The following CAB39L variants were observed in gnomAD, a reference collection of about 807,000 sequenced individuals.
CAB39L encodes calcium binding protein 39 like, also known as calcium-binding protein 39-like.
In CAB39L, 23 loss-of-function variants were observed where a neutral mutation model predicts 39.1. That is an observed-to-expected ratio of 0.59 (90% confidence interval 0.42 to 0.83). CAB39L has a LOEUF of 0.83. CAB39L is among the 40% of genes least tolerant of loss of function. The pLI is 0.00. For missense variants in CAB39L, 366 were observed against 391.9 expected, an observed-to-expected ratio of 0.93 and a Z score of 0.56; for synonymous variants, 126 against 137.2, an observed-to-expected ratio of 0.92 and a Z score of 0.57.
At chr13:49,414,782 CTT>C (rs1441094970) in intron 3 of CAB39L, among the ~76,000 whole-genome samples, 1 of 152,014 alleles carries the variant, frequency 6.6e-6, no homozygotes, top group Non-Finnish European at 1.5e-5. Flanking sequence ...CTACAGATTA[CTT>C]TTTTCTTCTT....
At chr13:49,391,756 G>C (rs1413787747) in intron 3 of CAB39L, among the ~76,000 whole-genome samples, 1 of 151,414 alleles carries the variant, frequency 6.6e-6, no homozygotes, top group African/African-American at 2.4e-5. Context: ...CACCAGAAGG[G>C]GGAAAACAGG....
At position 49,344,389 on chromosome 13, in the gene CAB39L, T is replaced by C. The variant is rs45466592; in HGVS notation, c.565-151A>G. On this transcript the variant is annotated intron_variant, in intron 7 of 10. Transcript: ENST00000409308. ...TTTCCATTCCTAGCTTAGCCTAAGA[T>C]GTGAAATACAAGTTTGTTTCATGTT... 2,425 of 577,600 alleles carry C rather than the reference T, an allele frequency of 4.2e-3. 7 individuals are homozygous for C. Among genetic ancestry groups the C allele is most frequent in the Non-Finnish European group, 6.1e-3 (2,036 of 331,652 alleles). 35.8% of individuals were successfully genotyped at this position (577,600 alleles called of 1,614,324 possible).
chr13:49,321,844 A>G (rs1253785047), intron 10 of CAB39L, among the ~76,000 whole-genome samples: 1 of 152,158 alleles, frequency 6.6e-6, no homozygotes, highest in Non-Finnish European at 1.5e-5. Flanking sequence ...TGCAAGGTGG[A>G]TGTCTGGACA....
chr13:49,324,613 A>C (rs1954445906), intron 10 of CAB39L, among the ~76,000 whole-genome samples: 1 of 152,234 alleles, frequency 6.6e-6, no homozygotes, highest in East Asian at 1.9e-4. Context: ...ATTTGGAAGC[A>C]GAAGATGGCC....
intron 3 of CAB39L, among the ~76,000 whole-genome samples, chr13:49,406,333 A>ATTTTTTTT (rs34078174): frequency 1.7e-4 from 15 of 90,622 alleles, no homozygotes; most frequent in East Asian, 2.8e-4. Flanking sequence ...ATGCCCAGCT[A>ATTTTTTTT]TTTTTTTTTT....
intron 6 of CAB39L, among the ~76,000 whole-genome samples, chr13:49,358,505 T>C (rs551153425): frequency 2.6e-4 from 39 of 152,136 alleles, no homozygotes; most frequent in Middle Eastern, 3.4e-3. Flanking sequence ...AAAACAATGA[T>C]GAACAAATAA....
At position 49,389,766 on chromosome 13, in the gene CAB39L, G is replaced by A. The variant is rs188884661; in HGVS notation, c.-31-6825C>T. On this transcript the variant is annotated intron_variant, in intron 3 of 10. Transcript: ENST00000409308. ...TTCCAGTTTATACTTTCACAGCTGT[G>A]TAGTGTGAGTTGCAGTTATCACCCA... Among the ~76,000 whole-genome samples the A allele has an allele frequency of 2.1e-3, 321 of 152,322 alleles. 3 individuals carry two copies. The highest frequency in any genetic ancestry group is 2.9e-4 in the Non-Finnish European group (20 of 68,034).
intron 4 of CAB39L, among the ~76,000 whole-genome samples, chr13:49,378,249 C>G (rs1956142052): frequency 1.1e-5 from 1 of 92,700 alleles, no homozygotes; most frequent in South Asian, 3.4e-4. Flanking sequence ...GCCACCCCGT[C>G]AGGGAGGGAG....
At chr13:49,351,678 G>A (rs995625785) in intron 6 of CAB39L, among the ~76,000 whole-genome samples, 10 of 152,192 alleles carry the variant, frequency 6.6e-5, no homozygotes, top group African/African-American at 2.4e-4. Context: ...AGACATATAA[G>A]AACAGGAGCA....
At chr13:49,359,642 T>G in intron 6 of CAB39L, 72 bp downstream of exon 6, 1 of 761,542 alleles carries the variant, frequency 1.3e-6, no homozygotes, top group South Asian at 1.7e-5. Context: ...ATATCTCAAA[T>G]GAGACTAATG....
chr13:49,383,765 GTAAC>G (rs1446868517), intron 3 of CAB39L, among the ~76,000 whole-genome samples: 1 of 152,140 alleles, frequency 6.6e-6, no homozygotes. Context: ...GTATACATAT[GTAAC>G]TAACTTGCAC....
chr13:49,399,322 C>A (rs982866917), intron 3 of CAB39L, among the ~76,000 whole-genome samples: 1 of 151,996 alleles, frequency 6.6e-6, no homozygotes, highest in Non-Finnish European at 1.5e-5. Flanking sequence ...GTGCAATCAA[C>A]CTTGAAAGCT....
At chr13:49,425,037 T>C (rs1957222735) in intron 3 of CAB39L, among the ~76,000 whole-genome samples, 5 of 152,100 alleles carry the variant, frequency 3.3e-5, no homozygotes, top group Admixed American at 3.3e-4. Flanking sequence ...GTAAAACTAA[T>C]TTAAAATGTA....
intron 1 of CAB39L, among the ~76,000 whole-genome samples, chr13:49,440,465 T>C (rs913436314): frequency 1.3e-5 from 2 of 152,028 alleles, no homozygotes; most frequent in Non-Finnish European, 2.9e-5. Flanking sequence ...TATATGTCTG[T>C]TTTTGTACCA....
intron 3 of CAB39L, among the ~76,000 whole-genome samples, chr13:49,386,487 G>A (rs1956363986): frequency 6.6e-6 from 1 of 151,960 alleles, no homozygotes; most frequent in Non-Finnish European, 1.5e-5. Context: ...ACATTTTAGG[G>A]CAATGGGGTT....
At chr13:49,442,998 T>C (rs1319774313) in intron 1 of CAB39L, among the ~76,000 whole-genome samples, 2 of 148,760 alleles carry the variant, frequency 1.3e-5, no homozygotes, top group African/African-American at 5.0e-5. Context: ...TACCACAAAA[T>C]ATTAGCCTTT....
chr13:49,433,550 C>A (rs949249750), intron 2 of CAB39L, among the ~76,000 whole-genome samples, 157 bp from the exon 3 acceptor site: 2 of 152,044 alleles, frequency 1.3e-5, no homozygotes, highest in African/African-American at 4.8e-5. Context: ...TTTCATATCC[C>A]AATAACTCAA....
chr13:49,433,691 C>T (rs1957362433), intron 2 of CAB39L, among the ~76,000 whole-genome samples: 1 of 152,100 alleles, frequency 6.6e-6, no homozygotes, highest in Admixed American at 6.5e-5. Context: ...TCCAACAGCC[C>T]CCATCTTCAA....
chr13:49,332,826 C>A (rs1269314333), intron 9 of CAB39L, among the ~76,000 whole-genome samples: 1 of 151,776 alleles, frequency 6.6e-6, no homozygotes, highest in Non-Finnish European at 1.5e-5. Context: ...CCCCTGGCTG[C>A]TGTAGCAATT....
Sources: gnomAD v4.1 joint callset for allele counts (sites outside exome capture counted in the v4.1 genomes callset) on GRCh38, gnomAD v4.1.1 for gene constraint, MANE v1.5 for transcripts, NCBI Gene and HGNC (gene_info 2026-07-23, HGNC 2026-07-21) for gene names.